The following RBFOX1 variants were observed in gnomAD, a reference collection of about 807,000 sequenced individuals.
RBFOX1 encodes RNA binding fox-1 homolog 1.
A neutral mutation model predicts 57.7 loss-of-function variants in RBFOX1; 8 were observed. The observed-to-expected ratio is 0.14, with a 90% CI of 0.08 to 0.25. The LOEUF is 0.25. RBFOX1 is among the 10% of genes least tolerant of loss of function. RBFOX1 has a pLI of 1.00. For synonymous variants in RBFOX1, 326 were observed against 222.4 expected (o/e 1.47, Z -4.15); for missense variants, 611 against 548.5 (o/e 1.11, Z -1.14).
chr16:6,466,652 A>G (rs563977099), intron 2 of RBFOX1, among the ~76,000 whole-genome samples: 7 of 152,304 alleles, frequency 4.6e-5, no homozygotes, highest in Non-Finnish European at 1.0e-4. Flanking sequence ...TAAAGAATGT[A>G]TGTGACATGC....
At chr16:7,709,447 C>CT (rs75160475) in intron 15 of RBFOX1, 3,145 of 1,281,720 alleles carry the variant, frequency 2.5e-3, no homozygotes, top group South Asian at 5.5e-3. Context: ...CAATGCAGAA[C>CT]TTTTTTTTTT....
At chr16:7,675,104 C>A (rs2072874532) in intron 13 of RBFOX1, among the ~76,000 whole-genome samples, 1 of 152,154 alleles carries the variant, frequency 6.6e-6, no homozygotes. Context: ...CTAGCCCCTC[C>A]CTACCTCATT....
intron 1 of RBFOX1, among the ~76,000 whole-genome samples, chr16:6,226,454 G>A (rs1004744768): frequency 3.3e-5 from 5 of 151,726 alleles, no homozygotes; most frequent in Non-Finnish European, 5.9e-5. Flanking sequence ...TCTTTCCTGT[G>A]GCACAGGTAG....
intron 11 of RBFOX1, among the ~76,000 whole-genome samples, chr16:7,652,367 C>G (rs1300910513): frequency 2.0e-5 from 3 of 152,290 alleles, no homozygotes; most frequent in South Asian, 2.1e-4. Context: ...ACCTCCTCAT[C>G]TTGCTCAGAG....
chr16:7,097,266 G>C (rs2061861898), intron 4 of RBFOX1, among the ~76,000 whole-genome samples: 1 of 152,126 alleles, frequency 6.6e-6, no homozygotes, highest in African/African-American at 2.4e-5. Flanking sequence ...AGGCCATTGT[G>C]TACGTGGAAA....
intron 2 of RBFOX1, among the ~76,000 whole-genome samples, chr16:6,585,641 T>A (rs2097599512): frequency 6.6e-6 from 1 of 152,178 alleles, no homozygotes; most frequent in Non-Finnish European, 1.5e-5. Flanking sequence ...TGACATAGAC[T>A]CTTTCTGTTT....
intron 3 of RBFOX1, among the ~76,000 whole-genome samples, chr16:6,948,961 C>T (rs577660000): frequency 3.3e-5 from 5 of 152,102 alleles, no homozygotes; most frequent in African/African-American, 1.2e-4. Flanking sequence ...AGTTGGGTTG[C>T]TGTAGAATGG....
chr16:5,905,445 C>G (rs1198424402), intron 4 of RBFOX1, among the ~76,000 whole-genome samples: 1 of 152,102 alleles, frequency 6.6e-6, no homozygotes, highest in Non-Finnish European at 1.5e-5. Context: ...GGCGCAGTGG[C>G]TCTTGCCTGT....
chr16:6,591,544 C>A (rs1022599002), intron 2 of RBFOX1, among the ~76,000 whole-genome samples: 1 of 152,154 alleles, frequency 6.6e-6, no homozygotes, highest in Non-Finnish European at 1.5e-5. Flanking sequence ...TGCCTGAGTT[C>A]CTGGTAGAGC....
chr16:6,951,265 G>C (rs1251866693), intron 3 of RBFOX1, among the ~76,000 whole-genome samples: 2 of 152,076 alleles, frequency 1.3e-5, no homozygotes, highest in African/African-American at 4.8e-5. Context: ...ACGTAATAGA[G>C]TCACCCATCT....
intron 4 of RBFOX1, among the ~76,000 whole-genome samples, chr16:5,909,613 A>T (rs2058561453): frequency 6.6e-6 from 1 of 152,222 alleles, no homozygotes; most frequent in Admixed American, 6.5e-5. Context: ...GCCACTGGAG[A>T]GCCTAACTCT....
chr16:7,432,908 G>C (rs898205419), intron 4 of RBFOX1, among the ~76,000 whole-genome samples: 1 of 152,196 alleles, frequency 6.6e-6, no homozygotes, highest in African/African-American at 2.4e-5. Context: ...CAGCCTTATG[G>C]TGTTGCCCCA....
chr16:7,380,431 A>C (rs1270808207), intron 4 of RBFOX1, among the ~76,000 whole-genome samples: 7 of 152,218 alleles, frequency 4.6e-5, no homozygotes, highest in Non-Finnish European at 1.0e-4. Flanking sequence ...CTCTGTTACC[A>C]CTTAAAAATA....
At chr16:6,917,606 C>G (rs943168683) in intron 3 of RBFOX1, among the ~76,000 whole-genome samples, 1 of 152,072 alleles carries the variant, frequency 6.6e-6, no homozygotes, top group African/African-American at 2.4e-5. Flanking sequence ...GACACCGGCT[C>G]CCTTCCTGCC....
intron 3 of RBFOX1, among the ~76,000 whole-genome samples, chr16:6,750,547 A>G (rs1173346002): frequency 6.6e-6 from 1 of 152,240 alleles, no homozygotes; most frequent in African/African-American, 2.4e-5. Flanking sequence ...GAATGTTAAA[A>G]TAAACTGGTG....
chr16:5,942,000 G>A (rs569061559), intron 4 of RBFOX1, among the ~76,000 whole-genome samples: 2 of 151,758 alleles, frequency 1.3e-5, no homozygotes, highest in African/African-American at 4.8e-5. Context: ...AAACCTGAGT[G>A]GAGGAATAAC....
At position 6,600,653 on chromosome 16, in the gene RBFOX1, T is replaced by A. The variant is rs75272993; in HGVS notation, c.-63-53950T>A. ...AAACAGTGGACGGGACACATCTGAA[T>A]CCACCTAAATATCTTGGCCTGATAG... On this transcript the variant is annotated intron_variant, in intron 2 of 15. Coordinates refer to ENST00000550418, the MANE Select transcript of RBFOX1 (RefSeq NM_018723.4). Among the ~76,000 whole-genome samples, 12 of 152,310 alleles carry A rather than the reference T, an allele frequency of 7.9e-5. No homozygotes were observed. The East Asian group carries it at 2.3e-3, about 29-fold the overall frequency.
intron 1 of RBFOX1, among the ~76,000 whole-genome samples, chr16:6,045,090 A>C (rs1428222027): frequency 6.6e-6 from 1 of 152,232 alleles, no homozygotes; most frequent in East Asian, 1.9e-4. Context: ...GGTTCAGACC[A>C]ACGGAACTAA....
intron 3 of RBFOX1, among the ~76,000 whole-genome samples, chr16:6,895,637 C>G (rs1035177321): frequency 4.6e-5 from 7 of 151,074 alleles, no homozygotes; most frequent in Non-Finnish European, 1.0e-4. Flanking sequence ...GTCATAGATC[C>G]TTGACAATGC....
Sources: allele counts gnomAD v4.1 joint callset (sites outside exome capture counted in the v4.1 genomes callset), GRCh38; gene constraint gnomAD v4.1.1; transcripts MANE v1.5; gene names NCBI Gene and HGNC (gene_info 2026-07-23, HGNC 2026-07-21).